The following MACROD2 variants were observed in gnomAD, a reference collection of about 807,000 sequenced individuals.
MACROD2 encodes ADP-ribose glycohydrolase MACROD2.
A neutral mutation model predicts 70.4 loss-of-function variants in MACROD2; 36 were observed. That is an observed-to-expected ratio of 0.51 (90% CI 0.39 to 0.68). MACROD2 has a LOEUF of 0.68. MACROD2 is among the 30% of genes least tolerant of loss of function. The pLI is 0.00. For synonymous variants in MACROD2, 172 were observed against 178.8 expected (o/e 0.96, Z 0.30); for missense variants, 496 against 538.4 (o/e 0.92, Z 0.78).
At chr20:15,809,580 A>G (rs2063799002) in intron 8 of MACROD2, among the ~76,000 whole-genome samples, 1 of 152,146 alleles carries the variant, frequency 6.6e-6, no homozygotes, top group East Asian at 1.9e-4. Context: ...TTTTAAAACA[A>G]CCAACTCTCA....
At chr20:14,460,620 T>C (rs1568622017) in intron 3 of MACROD2, among the ~76,000 whole-genome samples, 1 of 152,172 alleles carries the variant, frequency 6.6e-6, no homozygotes, top group Non-Finnish European at 1.5e-5. Flanking sequence ...ATTGTGAGTT[T>C]TTAGCATGAA....
At chr20:15,211,001 C>A (rs1437301599) in intron 5 of MACROD2, among the ~76,000 whole-genome samples, 1 of 152,142 alleles carries the variant, frequency 6.6e-6, no homozygotes, top group East Asian at 1.9e-4. Flanking sequence ...GTGGTGTTGG[C>A]ACATTCACAG....
chr20:14,374,508 A>G (rs1387993976), intron 3 of MACROD2, among the ~76,000 whole-genome samples: 1 of 152,172 alleles, frequency 6.6e-6, no homozygotes, highest in Non-Finnish European at 1.5e-5. Context: ...ACCATGCAGT[A>G]AACAGCTGAG....
intron 5 of MACROD2, among the ~76,000 whole-genome samples, chr20:15,118,273 A>G (rs1032551504): frequency 1.3e-4 from 19 of 149,528 alleles, no homozygotes; most frequent in Admixed American, 3.3e-4. Context: ...GCTCACTGCA[A>G]CCTCCACCTA....
chr20:15,511,918 T>C (rs1224129090), intron 8 of MACROD2, among the ~76,000 whole-genome samples: 1 of 152,236 alleles, frequency 6.6e-6, no homozygotes. Flanking sequence ...TCTGAGAAGA[T>C]AGTGGCCTAT....
chr20:14,096,107 T>C (rs1569156999), intron 3 of MACROD2, among the ~76,000 whole-genome samples: 1 of 152,188 alleles, frequency 6.6e-6, no homozygotes, highest in Admixed American at 6.5e-5. Flanking sequence ...CTGTGGGTCC[T>C]AGTAAATTAT....
intron 8 of MACROD2, among the ~76,000 whole-genome samples, chr20:15,506,853 G>A (rs547723915): frequency 7.9e-5 from 12 of 152,282 alleles, no homozygotes; most frequent in East Asian, 3.9e-4. Flanking sequence ...GAAATGCTCC[G>A]TGCTCTCTCT....
intron 4 of MACROD2, among the ~76,000 whole-genome samples, chr20:14,520,839 C>T (rs1341918550): frequency 6.6e-6 from 1 of 152,124 alleles, no homozygotes; most frequent in Non-Finnish European, 1.5e-5. Flanking sequence ...AGTCCCTGCT[C>T]TACTTACCTC....
chr20:14,104,115 T>C (rs1004103073), intron 3 of MACROD2, among the ~76,000 whole-genome samples: 2 of 152,120 alleles, frequency 1.3e-5, no homozygotes, highest in Admixed American at 1.3e-4. Context: ...GGTGTAAGAG[T>C]ATATATTTCC....
At chr20:15,460,819 G>C (rs2046797416) in intron 7 of MACROD2, among the ~76,000 whole-genome samples, 1 of 151,462 alleles carries the variant, frequency 6.6e-6, no homozygotes, top group Non-Finnish European at 1.5e-5. Flanking sequence ...GTGTATGATT[G>C]GTGATCTTTT....
intron 3 of MACROD2, among the ~76,000 whole-genome samples, chr20:14,263,718 T>G (rs1196646805): frequency 6.6e-6 from 1 of 152,016 alleles, no homozygotes; most frequent in East Asian, 1.9e-4. Flanking sequence ...CGCAGCACTT[T>G]GGGAGGCCAA....
intron 5 of MACROD2, among the ~76,000 whole-genome samples, chr20:14,752,955 GA>G (rs1279907145): frequency 1.6e-4 from 25 of 152,142 alleles, no homozygotes; most frequent in African/African-American, 5.8e-4. Flanking sequence ...TGCAGATTAG[GA>G]CCCATAATTA....
chr20:15,233,983 T>TTATATATA lies in MACROD2; in HGVS notation c.540+3942_540+3949dup, dbSNP rs1312226727. ...AAAATTTATTTTTATATATATTTAT[T>TTATATATA]TATATATATATATATATATATATAT... is the stretch of plus-strand genomic sequence containing the variant. On this transcript the variant is annotated intron_variant, in intron 6 of 17. Coordinates refer to ENST00000684519, the MANE Select transcript of MACROD2 (RefSeq NM_001351661.2). Among the ~76,000 whole-genome samples, 60 of 43,986 alleles carry TTATATATA rather than the reference T, an allele frequency of 1.4e-3. 1 individual carries two copies. Among genetic ancestry groups the TTATATATA allele is most frequent in the East Asian group, 6.7e-3 (9 of 1,338 alleles). The allele number at this position is 43,986 out of a possible 152,430, so 28.9% of individuals were successfully genotyped here.
rs2070852244 is a variant in MACROD2 at position 14,675,732 on chromosome 20, A to G, written c.302-9111A>G. Among the ~76,000 whole-genome samples, 9 of 152,310 alleles carry G rather than the reference A, an allele frequency of 5.9e-5. No homozygotes were observed. In the South Asian group the frequency reaches 1.9e-3, roughly 32 times the overall value. On this transcript the variant is annotated intron_variant, in intron 4 of 17. Transcript: ENST00000684519. ...TTAACCTTAAATATAAACAGGCTAA[A>G]TGCCCCAATTAAAAGACACAGGCAA...
At chr20:14,913,309 A>G (rs1341214423) in intron 5 of MACROD2, among the ~76,000 whole-genome samples, 3 of 152,198 alleles carry the variant, frequency 2.0e-5, no homozygotes, top group Non-Finnish European at 4.4e-5. Context: ...TGATAATGTT[A>G]AAACAAACAT....
chr20:16,001,104 T>C (rs8115439), intron 15 of MACROD2, among the ~76,000 whole-genome samples: 11,563 of 152,286 alleles, frequency 0.076, 460 homozygotes, highest in South Asian at 0.12. Context: ...GGATTTCAAA[T>C]GTAAGTGCTG....
intron 5 of MACROD2, among the ~76,000 whole-genome samples, chr20:14,909,473 G>T (rs181637838): frequency 1.2e-4 from 19 of 152,020 alleles, no homozygotes; most frequent in African/African-American, 4.3e-4. Context: ...TGCTGACACT[G>T]GTTAACACTT....
At chr20:14,874,341 T>C (rs1178853508) in intron 5 of MACROD2, among the ~76,000 whole-genome samples, 1 of 150,760 alleles carries the variant, frequency 6.6e-6, no homozygotes, top group Non-Finnish European at 1.5e-5. Flanking sequence ...CTGTCCTTTT[T>C]TAAGAGTGTA....
intron 5 of MACROD2, among the ~76,000 whole-genome samples, chr20:14,854,180 C>T (rs533073855): frequency 1.3e-5 from 2 of 152,250 alleles, no homozygotes; most frequent in Admixed American, 1.3e-4. Flanking sequence ...CTAGCACATC[C>T]ATCTTCACCA....
Sources: gnomAD v4.1 joint callset for allele counts (sites outside exome capture counted in the v4.1 genomes callset) on GRCh38, gnomAD v4.1.1 for gene constraint, MANE v1.5 for transcripts, NCBI Gene and HGNC (gene_info 2026-07-23, HGNC 2026-07-21) for gene names.